Variants in BRSK2 observed in about 807,000 individuals in gnomAD.
BRSK2 encodes BR serine/threonine kinase 2, also known as serine/threonine-protein kinase BRSK2.
A neutral mutation model predicts 83.3 loss-of-function variants in BRSK2; 19 were observed. That is an observed-to-expected ratio of 0.23 (90% CI 0.16 to 0.33). BRSK2 has a LOEUF of 0.33. BRSK2 is among the 10% of genes least tolerant of loss of function. The probability of loss-of-function intolerance (pLI) is 1.00; values close to 1 mark genes in which losing one functional copy is unlikely to be tolerated. For missense variants in BRSK2, 798 were observed against 1,042.3 expected, an observed-to-expected ratio of 0.77 and a Z score of 3.23; for synonymous variants, 519 against 435.4, an observed-to-expected ratio of 1.19 and a Z score of -2.39.
At chr11:1,458,556 AC>A (rs1248689053) in intron 18 of BRSK2, among the ~76,000 whole-genome samples, 1 of 151,072 alleles carries the variant, frequency 6.6e-6, no homozygotes, top group Non-Finnish European at 1.5e-5. Flanking sequence ...GACACTGCCC[AC>A]CCCCCCAGAG....
rs555219360 is a variant in BRSK2, at chr11:1,436,589, C to T, written c.186+455C>T. 2.0e-5 allele frequency among the ~76,000 whole-genome samples: 3 copies of T among 152,252 alleles called. No individual in the cohort carries two copies. The South Asian group carries it at 6.2e-4, about 32-fold the overall frequency. On this transcript the variant is annotated intron_variant, in intron 2 of 19. Transcript: ENST00000528841. ...CGGTGGTGTCTGGTCACCATGGAGA[C>T]CAGGCAGGCCCCCTGGGTGGAGGGT...
At position 1,460,940 on chromosome 11, in the gene BRSK2, C is replaced by T; in HGVS notation, c.*217C>T. The T allele has an allele frequency of 1.2e-6, 2 of 1,612,254 alleles. No individual in the cohort carries two copies. The highest frequency in any genetic ancestry group is 1.7e-6 in the Non-Finnish European group (2 of 1,179,396). ...TGTCTCTGCCTCTGCCTGTCTCTGA[C>T]AGCATCGCTTGTTTCCACTCTGATA... On this transcript the variant is annotated 3_prime_UTR_variant, in exon 20 of 20. Transcript: ENST00000528841.
At chr11:1,407,704 G>T (rs767107549) in intron 1 of BRSK2, among the ~76,000 whole-genome samples, 1 of 152,186 alleles carries the variant, frequency 6.6e-6, no homozygotes, top group Non-Finnish European at 1.5e-5. Flanking sequence ...ATGTTTCATC[G>T]GGCTAATCTT....
At chr11:1,457,163 C>A in intron 18 of BRSK2, 1 of 979,034 alleles carries the variant, frequency 1.0e-6, no homozygotes, top group Non-Finnish European at 1.5e-6. Flanking sequence ...CGGCCCTGGA[C>A]AGGCCAAGCA....
At chr11:1,410,536 C>T (rs1847359159) in intron 1 of BRSK2, 12 of 985,516 alleles carry the variant, frequency 1.2e-5, no homozygotes, top group Non-Finnish European at 1.4e-5. Context: ...GGCCTCACTG[C>T]TGAGCACGAG....
chr11:1,415,851 C>G (rs556014176), intron 1 of BRSK2, among the ~76,000 whole-genome samples: 1 of 152,388 alleles, frequency 6.6e-6, no homozygotes, highest in East Asian at 1.9e-4. Flanking sequence ...ACCACGGCCT[C>G]CTCGGCCACT....
At chr11:1,410,595 G>A (rs932167854) in intron 1 of BRSK2, 14 of 985,226 alleles carry the variant, frequency 1.4e-5, no homozygotes, top group African/African-American at 1.7e-5. Flanking sequence ...GAGTGGACTC[G>A]GGGGCTCCGA....
Position 1,408,832 on chromosome 11 carries a change from T to TGGG in BRSK2, c.91+18458_91+18459insGGG, listed in dbSNP as rs71025729. Among the ~76,000 whole-genome samples the TGGG allele has an allele frequency of 6.9e-3, 1,050 of 151,298 alleles. 13 individuals are homozygous for TGGG. The highest frequency in any genetic ancestry group is 0.024 in the African/African-American group (974 of 41,040). On this transcript the variant is annotated intron_variant, in intron 1 of 19. Transcript: ENST00000528841. ...GTGCTGGTGTGTGTGTGTGTGTGTG[T>TGGG]GTGGCTGTGCTGGGGTGTGTGTGCA...
At chr11:1,424,825 G>T (rs1028406985) in intron 1 of BRSK2, among the ~76,000 whole-genome samples, 19 of 152,074 alleles carry the variant, frequency 1.2e-4, no homozygotes, top group African/African-American at 4.6e-4. Context: ...CTACTGGCGG[G>T]GGGGCAGGTT....
chr11:1,422,090 G>A (rs1036850973), intron 1 of BRSK2, among the ~76,000 whole-genome samples: 5 of 152,144 alleles, frequency 3.3e-5, no homozygotes, highest in East Asian at 1.9e-4. Flanking sequence ...TATTCGAGGC[G>A]GGGTCAGAGC....
rs398015179 is a variant in BRSK2, at chr11:1,460,461, C to CTT, written c.1988-23_1988-22dup. ...CTCTCCCCCTTTTTTTTCTTTTTTC[C>CTT]TTTTTTTTTTTTTTTTTGTCTCTGT... On this transcript the variant is annotated intron_variant, in intron 19 of 19. Coordinates refer to ENST00000528841, the MANE Select transcript of BRSK2 (RefSeq NM_001256627.2). 209 of 544,146 alleles carry CTT rather than the reference C, an allele frequency of 3.8e-4. 1 individual carries two copies. The highest frequency in any genetic ancestry group is 8.3e-4 in the East Asian group (11 of 13,302). The allele number at this position is 544,146 out of a possible 1,614,324, so 33.7% of individuals were successfully genotyped here.
intron 1 of BRSK2, among the ~76,000 whole-genome samples, chr11:1,414,187 A>G (rs776524087): frequency 6.6e-6 from 1 of 152,252 alleles, no homozygotes; most frequent in Non-Finnish European, 1.5e-5. Context: ...ACCACACCCC[A>G]AAGTTGCCAT....
At chr11:1,446,329 T>C (rs1852113907) in intron 12 of BRSK2, among the ~76,000 whole-genome samples, 1 of 149,268 alleles carries the variant, frequency 6.7e-6, no homozygotes, top group Non-Finnish European at 1.5e-5. Context: ...TAGAATGGGC[T>C]GAGACGGATT....
intron 1 of BRSK2, among the ~76,000 whole-genome samples, chr11:1,425,315 G>T (rs1056659853): frequency 2.0e-5 from 3 of 152,174 alleles, no homozygotes; most frequent in Non-Finnish European, 4.4e-5. Flanking sequence ...GGGGGGTCCC[G>T]CAGGCTGTGT....
chr11:1,411,704 C>T lies in BRSK2; in HGVS notation c.91+21329C>T. On this transcript the variant is annotated intron_variant, in intron 1 of 19. Transcript: ENST00000528841. The stretch of plus-strand genomic sequence containing the variant: ...GTGTGTTCATGTGTGAGGGATGCAG[C>T]CCCCACGGCAGGGACGGGGGACCTC... 2.0e-6 allele frequency: 3 copies of T among 1,527,694 alleles called. No homozygotes were observed. The South Asian group carries it at 3.6e-5, about 18-fold the overall frequency. 94.6% of individuals were successfully genotyped at this position (1,527,694 alleles called of 1,614,324 possible).
chr11:1,415,166 C>T (rs1201796049), intron 1 of BRSK2, among the ~76,000 whole-genome samples: 1 of 148,386 alleles, frequency 6.7e-6, no homozygotes, highest in Non-Finnish European at 1.5e-5. Flanking sequence ...GTGATCTCGG[C>T]TCACTGCAAG....
Position 1,436,140 on chromosome 11 carries a change from TGGGGCCGGGGAGGGAGGC to T in BRSK2, c.186+15_186+32del. 2 of 283,226 alleles carry T rather than the reference TGGGGCCGGGGAGGGAGGC, an allele frequency of 7.1e-6. No individual in the cohort carries two copies. The highest frequency in any genetic ancestry group is 9.9e-6 in the Non-Finnish European group (2 of 202,124). 17.5% of individuals were successfully genotyped at this position (283,226 alleles called of 1,614,324 possible). A position where few individuals can be genotyped will look rare whatever the true frequency, so the allele number is the denominator to read the frequency against. On this transcript the variant is annotated splice_region_variant and intron_variant, in intron 2 of 19. Coordinates refer to ENST00000528841, the MANE Select transcript of BRSK2 (RefSeq NM_001256627.2). ...GCGAGTCGGTGCTGATGAAGGTGGG[TGGGGCCGGGGAGGGAGGC>T]GGGGCCGGCGGTGGGGTGGGGCGGG...
At chr11:1,437,072 G>GAAAC (rs1233999714) in intron 2 of BRSK2, among the ~76,000 whole-genome samples, 1 of 152,056 alleles carries the variant, frequency 6.6e-6, no homozygotes, top group Non-Finnish European at 1.5e-5. Context: ...CCTTGGAGGA[G>GAAAC]AAACAGAGGC....
chr11:1,395,563 G>C (rs1846021244), intron 1 of BRSK2, among the ~76,000 whole-genome samples: 1 of 152,218 alleles, frequency 6.6e-6, no homozygotes, highest in South Asian at 2.1e-4. Context: ...GGGCGGGAGG[G>C]TCGTTGGAGG....
Sources: allele counts gnomAD v4.1 joint callset (sites outside exome capture counted in the v4.1 genomes callset), GRCh38; gene constraint gnomAD v4.1.1; transcripts MANE v1.5; gene names NCBI Gene and HGNC (gene_info 2026-07-23, HGNC 2026-07-21).